CC2D1A: variants seen among roughly 807,000 people sequenced by gnomAD.
CC2D1A encodes the protein coiled-coil and C2 domain-containing protein 1A.
In CC2D1A, 68 loss-of-function variants were observed where a neutral mutation model predicts 123.8. The observed-to-expected ratio is 0.55, with a 90% confidence interval of 0.45 to 0.67. CC2D1A has a LOEUF of 0.67. CC2D1A is among the 30% of genes least tolerant of loss of function. CC2D1A has a pLI of 0.00. For missense variants in CC2D1A, 1,185 were observed against 1,290.3 expected, an observed-to-expected ratio of 0.92 and a Z score of 1.25; for synonymous variants, 477 against 528.0, an observed-to-expected ratio of 0.90 and a Z score of 1.32.
chr19:13,920,509 C>T, intron 12 of CC2D1A, 48 bp from the exon 13 acceptor site: 1 of 1,118,776 alleles, frequency 8.9e-7, no homozygotes. Flanking sequence ...GGACTGGACT[C>T]ATCACAGGCG....
chr19:13,907,493 C>T (rs919831748), intron 1 of CC2D1A, among the ~76,000 whole-genome samples: 10 of 151,414 alleles, frequency 6.6e-5, no homozygotes, highest in Admixed American at 5.9e-4. Context: ...GAGGCCATGG[C>T]GAAACCCCAT....
At chr19:13,912,194 G>C (rs569765362) in intron 2 of CC2D1A, 129 bp from the exon 3 acceptor site, 12 of 1,089,822 alleles carry the variant, frequency 1.1e-5, no homozygotes, top group Admixed American at 2.7e-5. Flanking sequence ...CCCCAGACCT[G>C]AGGCTGAATA....
chr19:13,910,043 G>C (rs1306222994), intron 2 of CC2D1A, 85 bp downstream of exon 2: 2 of 1,335,156 alleles, frequency 1.5e-6, no homozygotes, highest in Admixed American at 5.8e-5. Flanking sequence ...GGGTAGGTAG[G>C]GGAAAGAAGA....
chr19:13,919,351 G>A (rs1971327737), intron 11 of CC2D1A, 149 bp downstream of exon 11: 2 of 629,268 alleles, frequency 3.2e-6, no homozygotes, highest in Non-Finnish European at 5.5e-6. Flanking sequence ...CCATAGCACA[G>A]GCTCAGGGAG....
At chr19:13,913,334 C>T (rs1193701866) in intron 5 of CC2D1A, 32 bp downstream of exon 5, 2 of 1,605,486 alleles carry the variant, frequency 1.2e-6, no homozygotes, top group Non-Finnish European at 1.7e-6. Context: ...TACAGGGACC[C>T]CCCGCCAACC....
rs751378122 is a variant in CC2D1A, at chr19:13,919,874, G to A, written c.1279G>A (p.Gly427Ser). ...ATKPTQQSLV[G>S]VLETAMKLAN... ...CAAGCCCACCCAGCAGAGTCTGGTG[G>A]GTGTCCTGGAGACTGCCATGAAGCT... Residue 427 changes from glycine (G) to serine (S), a missense_variant, in exon 12 of 29, where the codon GGT (glycine) becomes AGT (serine). Coordinates refer to ENST00000318003, the MANE Select transcript of CC2D1A (RefSeq NM_017721.5). 1.6e-5 allele frequency: 25 copies of A among 1,612,908 alleles called. No homozygotes were observed. Among genetic ancestry groups the A allele is most frequent in the Non-Finnish European group, 2.0e-5 (24 of 1,179,684 alleles).
chr19:13,927,289 G>A (rs10405523), intron 22 of CC2D1A, 24 bp downstream of exon 22: 321,327 of 1,577,540 alleles, frequency 0.2, 35,391 homozygotes, highest in African/African-American at 0.38. Flanking sequence ...ATTCATCCGC[G>A]TGCTCCGGTA....
In CC2D1A at chr19:13,920,905, C is replaced by G. The variant is rs763655018; in HGVS notation, c.1624C>G (p.Pro542Ala). The change falls in exon 14 of 29, where the codon CCT becomes GCT. Residue 542 changes from proline (P) to alanine (A), a missense_variant. Pro to Ala is a conservative substitution (Grantham distance 27). Transcript: ENST00000318003. ...PMLEASRNGLPVDITKVPPAP... is the reference protein window; with the variant it reads ...PMLEASRNGLAVDITKVPPAP... ...GCTGGAGGCCTCGCGCAATGGGCTG[C>G]CTGTGGACATCACCAAGGTGAACCT... is the stretch of plus-strand genomic sequence containing the variant. 1.9e-6 allele frequency: 3 copies of G among 1,613,256 alleles called. No individual in the cohort carries two copies. Among genetic ancestry groups the G allele is most frequent in the South Asian group, 2.2e-5 (2 of 91,038 alleles).
intron 6 of CC2D1A, among the ~76,000 whole-genome samples, chr19:13,917,456 A>G (rs1461208158): frequency 6.6e-6 from 1 of 152,146 alleles, no homozygotes; most frequent in East Asian, 1.9e-4. Context: ...AAAAAAATAC[A>G]TTAAATATGG....
chr19:13,916,966 A>G (rs1385708764), intron 6 of CC2D1A, among the ~76,000 whole-genome samples: 1 of 152,208 alleles, frequency 6.6e-6, no homozygotes. Flanking sequence ...TAACTAACAC[A>G]CTGTTTAAAA....
intron 14 of CC2D1A, 27 bp downstream of exon 14, chr19:13,920,949 G>C (rs1333588954): frequency 1.9e-6 from 3 of 1,581,094 alleles, no homozygotes; most frequent in East Asian, 4.5e-5. Context: ...TGTGGGAACT[G>C]CCCAGGCACC....
intron 6 of CC2D1A, among the ~76,000 whole-genome samples, chr19:13,915,785 C>T (rs1280716733): frequency 1.3e-5 from 2 of 152,042 alleles, no homozygotes; most frequent in Non-Finnish European, 1.5e-5. Context: ...GAGCCGTGAT[C>T]GTGCCACTCC....
At chr19:13,912,501 TC>T in intron 3 of CC2D1A, 26 bp from the exon 4 acceptor site, 2 of 1,614,100 alleles carry the variant, frequency 1.2e-6, no homozygotes, top group East Asian at 4.5e-5. Context: ...GGCCCTTATA[TC>T]CTGCCCTGGC....
In CC2D1A at chr19:13,923,999, C is replaced by T. The variant is rs919101394; in HGVS notation, c.1940+188C>T. Among the ~76,000 whole-genome samples, 1 of 152,158 alleles carries T rather than the reference C, an allele frequency of 6.6e-6. No homozygotes were observed. The highest frequency in any genetic ancestry group is 1.5e-5 in the Non-Finnish European group (1 of 68,034). On this transcript the variant is annotated intron_variant, in intron 17 of 28. Coordinates refer to ENST00000318003, the MANE Select transcript of CC2D1A (RefSeq NM_017721.5). This position sits in a 1 kb window ranked among gnomAD's most constrained non-coding sequence, Gnocchi z 5.3. ...ATACAAGTGAAGGATGGTGAGGGTG[C>T]AGTCACAGTGACGCATTTGGGAAAG...
chr19:13,910,936 C>A (rs1970977325), intron 2 of CC2D1A, among the ~76,000 whole-genome samples: 1 of 147,070 alleles, frequency 6.8e-6, no homozygotes, highest in Admixed American at 6.9e-5. Context: ...AGAGAAGCTT[C>A]ATTCAGGCAT....
rs781060128 is a variant in CC2D1A, at chr19:13,918,924, C to G, written c.1031C>G (p.Pro344Arg). ...CTGTCCGGCCCAGAGGTGCCCCCAC[C>G]CCCGAGGACCCTGCTGGAGGCGCTG... The part of the protein sequence containing the change: ...TAPSTTEVPP[P>R]PRTLLEALEQ... The change falls in exon 10 of 29, where the codon CCC becomes CGC. Residue 344 changes from proline to arginine, a missense_variant. By Grantham distance (103) the Pro-to-Arg change is moderately radical. Coordinates refer to ENST00000318003, the MANE Select transcript of CC2D1A (RefSeq NM_017721.5). The G allele has an allele frequency of 3.7e-6, 6 of 1,609,800 alleles. No homozygotes were observed. In the South Asian group the frequency reaches 6.6e-5, roughly 18 times the overall value.
At chr19:13,919,229 C>A in intron 11 of CC2D1A, 27 bp downstream of exon 11, 1 of 1,559,046 alleles carries the variant, frequency 6.4e-7, no homozygotes, top group Non-Finnish European at 8.7e-7. Flanking sequence ...TAGGCCTCGC[C>A]CCAGTAGGCC....
chr19:13,930,288 A>G lies in CC2D1A; in HGVS notation c.2834A>G (p.Glu945Gly), dbSNP rs1158669491. The change falls in exon 28 of 29, where the codon GAG (glutamate) becomes GGG (glycine). Residue 945 changes from glutamate (E) to glycine (G), a missense_variant and splice_region_variant. Coordinates refer to ENST00000318003, the MANE Select transcript of CC2D1A (RefSeq NM_017721.5). The surrounding 1 kb of genome is among the most constrained non-coding windows in gnomAD (Gnocchi z 6.8). ...ALYRRNLVESELQRLRR is the reference protein window; with the variant it reads ...ALYRRNLVESGLQRLRR ...TATAGGCGGAATCTGGTAGAGAGTG[A>G]GGTAAGCAGCTTAGGAGATGGGGTG... is the stretch of plus-strand genomic sequence containing the variant. 1 of 1,613,840 alleles carries G rather than the reference A, an allele frequency of 6.2e-7. No homozygotes were observed. The highest frequency in any genetic ancestry group is 8.5e-7 in the Non-Finnish European group (1 of 1,179,870).
chr19:13,928,303 C>G (rs764055935), intron 24 of CC2D1A, 115 bp downstream of exon 24: 2 of 860,992 alleles, frequency 2.3e-6, no homozygotes, highest in Non-Finnish European at 3.6e-6. Flanking sequence ...GCTGCAAAAC[C>G]TTTCTTGGCA....
Sources: allele counts gnomAD v4.1 joint callset (sites outside exome capture counted in the v4.1 genomes callset), GRCh38; gene constraint gnomAD v4.1.1; non-coding constraint Gnocchi (gnomAD v3.1); transcripts MANE v1.5; gene names NCBI Gene and HGNC (gene_info 2026-07-23, HGNC 2026-07-21).